Variants in ROR1 observed in about 807,000 individuals in gnomAD.
ROR1 encodes inactive tyrosine-protein kinase transmembrane receptor ROR1.
In ROR1, 19 loss-of-function variants were observed where a neutral mutation model predicts 78.8. The ratio of observed to expected loss-of-function variants is 0.24; its 90% CI spans 0.17 to 0.35. The LOEUF is 0.35. Ranked by LOEUF, ROR1 falls within the 10% of genes least tolerant of loss-of-function variation. ROR1 has a pLI of 1.00. For missense variants in ROR1, 917 were observed against 1,177.8 expected, an observed-to-expected ratio of 0.78 and a Z score of 3.24; for synonymous variants, 386 against 433.6, an observed-to-expected ratio of 0.89 and a Z score of 1.36.
intron 7 of ROR1, among the ~76,000 whole-genome samples, chr1:64,152,614 A>G (rs1403427297): frequency 6.6e-6 from 1 of 152,206 alleles, no homozygotes; most frequent in African/African-American, 2.4e-5. Context: ...TTGTCTAATC[A>G]TGGATTTTAT....
At chr1:64,142,873 T>A in intron 7 of ROR1, 1 of 1,382,560 alleles carries the variant, frequency 7.2e-7, no homozygotes, top group Non-Finnish European at 9.4e-7. Context: ...CTGCAGCCAT[T>A]GCACTCATGG....
At chr1:64,120,718 C>T (rs2100687080) in intron 4 of ROR1, among the ~76,000 whole-genome samples, 1 of 152,276 alleles carries the variant, frequency 6.6e-6, no homozygotes, top group Non-Finnish European at 1.5e-5. Flanking sequence ...ACTTCATTTT[C>T]CTGCATACAC....
At chr1:63,972,469 CTCAGTAAGGTTTTTTTATTTATTTAT>C in intron 1 of ROR1, among the ~76,000 whole-genome samples, 1 of 152,142 alleles carries the variant, frequency 6.6e-6, no homozygotes, top group African/African-American at 2.4e-5. Context: ...CAGCTTTAGG[CTCAGTAAGGTTTTTTTATTTATTTAT>C]TCAACTTACA....
intron 1 of ROR1, among the ~76,000 whole-genome samples, chr1:63,943,124 G>A (rs1645855329): frequency 6.9e-6 from 1 of 145,800 alleles, no homozygotes; most frequent in Admixed American, 6.8e-5. Context: ...AAAAGATTAA[G>A]TGCAGCAGCC....
At chr1:64,119,831 G>T (rs995840082) in intron 4 of ROR1, among the ~76,000 whole-genome samples, 4 of 152,106 alleles carry the variant, frequency 2.6e-5, no homozygotes, top group African/African-American at 4.8e-5. Flanking sequence ...ATTATTTAAG[G>T]CCACATGGGT....
chr1:64,038,545 C>T (rs1033913754), intron 2 of ROR1, among the ~76,000 whole-genome samples: 6 of 152,152 alleles, frequency 3.9e-5, no homozygotes, highest in African/African-American at 1.4e-4. Context: ...AAAAATTCCA[C>T]CGATTGCAAG....
At chr1:63,940,498 C>CAGAGAGAT (rs1230477303) in intron 1 of ROR1, among the ~76,000 whole-genome samples, 1 of 75,138 alleles carries the variant, frequency 1.3e-5, no homozygotes, top group Admixed American at 1.7e-4. Flanking sequence ...GATAGACAGA[C>CAGAGAGAT]AGATAGATAG....
chr1:63,947,510 T>C (rs116170583), intron 1 of ROR1, among the ~76,000 whole-genome samples: 2,046 of 152,254 alleles, frequency 0.013, 46 homozygotes, highest in African/African-American at 0.048. Flanking sequence ...TGGGTCTGCA[T>C]TGAAGCCTGA....
At chr1:64,114,669 T>G (rs1648246604) in intron 4 of ROR1, among the ~76,000 whole-genome samples, 1 of 152,146 alleles carries the variant, frequency 6.6e-6, no homozygotes, top group African/African-American at 2.4e-5. Context: ...CATTGCCTTT[T>G]CTGATTGACA....
Position 64,177,956 on chromosome 1 carries a change from G to A in ROR1, c.1915G>A (p.Glu639Lys), listed in dbSNP as rs549316569. The part of the protein sequence containing the change: ...VKISDLGLSR[E>K]IYSADYYRVQ... Reference sequence around the variant, plus strand: ...GATTTCAGACTTGGGGCTTTCCAGAGAAATTTACTCCGCTGATTACTACAG... The same window carrying A: ...GATTTCAGACTTGGGGCTTTCCAGAAAAATTTACTCCGCTGATTACTACAG... Residue 639 changes from glutamate to lysine, a missense_variant, in exon 9 of 9, where the codon GAA (glutamate) becomes AAA (lysine). By Grantham distance (56) the Glu-to-Lys change is moderately conservative. Coordinates refer to ENST00000371079, the MANE Select transcript of ROR1 (RefSeq NM_005012.4). 1.2e-6 allele frequency: 2 copies of A among 1,614,116 alleles called. No individual in the cohort carries two copies. The highest frequency in any genetic ancestry group is 1.3e-5 in the African/African-American group (1 of 74,938).
chr1:63,871,376 T>A (rs1645250530), intron 1 of ROR1, among the ~76,000 whole-genome samples: 1 of 152,088 alleles, frequency 6.6e-6, no homozygotes, highest in Non-Finnish European at 1.5e-5. Flanking sequence ...AGTGAAAGCT[T>A]GTGGGTTTCC....
chr1:63,776,581 T>A (rs1644617756), intron 1 of ROR1, among the ~76,000 whole-genome samples: 1 of 152,170 alleles, frequency 6.6e-6, no homozygotes, highest in African/African-American at 2.4e-5. Context: ...ATAGATAACA[T>A]AACCAGTTAT....
At chr1:64,165,701 C>CTTTTTTTT (rs576997668) in intron 8 of ROR1, among the ~76,000 whole-genome samples, 5 of 102,918 alleles carry the variant, frequency 4.9e-5, no homozygotes, top group Non-Finnish European at 7.7e-5. Flanking sequence ...TCGGGTTTTA[C>CTTTTTTTT]TTTTTTTTTT....
At chr1:63,972,171 A>G (rs1646124514) in intron 1 of ROR1, among the ~76,000 whole-genome samples, 1 of 152,094 alleles carries the variant, frequency 6.6e-6, no homozygotes, top group South Asian at 2.1e-4. Flanking sequence ...TGTTGTGCTT[A>G]TAGGAATTTG....
chr1:64,125,657 G>A (rs1349555305), intron 4 of ROR1, among the ~76,000 whole-genome samples: 1 of 152,078 alleles, frequency 6.6e-6, no homozygotes, highest in Non-Finnish European at 1.5e-5. Context: ...CGCCAGCCCC[G>A]AAACTAAAAG....
intron 2 of ROR1, among the ~76,000 whole-genome samples, chr1:64,035,349 T>C (rs1459731163): frequency 6.6e-6 from 1 of 152,214 alleles, no homozygotes; most frequent in East Asian, 1.9e-4. Context: ...TTATCAATAA[T>C]CCATACAAAA....
chr1:63,801,534 A>G (rs937836860), intron 1 of ROR1, among the ~76,000 whole-genome samples: 2 of 152,048 alleles, frequency 1.3e-5, no homozygotes, highest in Non-Finnish European at 2.9e-5. Context: ...ACCCCAAGTG[A>G]TCCGCCCGCC....
At chr1:63,811,960 GTTT>G (rs568040372) in intron 1 of ROR1, among the ~76,000 whole-genome samples, 3 of 124,040 alleles carry the variant, frequency 2.4e-5, no homozygotes, top group African/African-American at 3.2e-5. Context: ...AACCAGAGGT[GTTT>G]TTTTTTTTTT....
intron 4 of ROR1, chr1:64,106,217 A>G (rs1647798272): frequency 6.6e-6 from 1 of 151,990 alleles, no homozygotes; most frequent in Admixed American, 6.6e-5. Context: ...TTCTCTTTGT[A>G]GCAATTGTGA....
Sources: gnomAD v4.1 joint callset for allele counts (sites outside exome capture counted in the v4.1 genomes callset) on GRCh38, gnomAD v4.1.1 for gene constraint, MANE v1.5 for transcripts, NCBI Gene and HGNC (gene_info 2026-07-23, HGNC 2026-07-21) for gene names.